The following RLIM variants were observed in gnomAD, a reference collection of about 807,000 sequenced individuals.
RLIM encodes the protein ring finger protein, LIM domain interacting, also known as E3 ubiquitin-protein ligase RLIM.
RLIM carries 2 observed loss-of-function variants against 34.0 expected under a neutral mutation model. The observed-to-expected ratio is 0.06, with a 90% CI of 0.02 to 0.19. The LOEUF is 0.19. RLIM is among the 10% of genes least tolerant of loss of function. The pLI, the probability that RLIM is intolerant of heterozygous loss-of-function variation, is 1.00. For synonymous variants in RLIM, 169 were observed against 164.0 expected, an observed-to-expected ratio of 1.03 and a Z score of -0.23; for missense variants, 286 against 479.7, an observed-to-expected ratio of 0.60 and a Z score of 3.77.
chrX:74,610,022 G>T (rs896744735), intron 1 of RLIM, among the ~76,000 whole-genome samples: 1 of 112,222 alleles, frequency 8.9e-6, no homozygotes, highest in African/African-American at 3.2e-5. Flanking sequence ...CAAAATTATT[G>T]CAAGAAATCC....
Position 74,591,093 on chromosome X carries a change from G to A in RLIM, c.*347C>T. 5.2e-6 allele frequency: 1 copy of A among 194,162 alleles called. No homozygotes were observed. The highest frequency in any genetic ancestry group is 1.1e-4 in the East Asian group (1 of 9,284). 16.0% of individuals were successfully genotyped at this position (194,162 alleles called of 1,213,427 possible). A position where few individuals can be genotyped will look rare whatever the true frequency, so the allele number is the denominator to read the frequency against. On this transcript the variant is annotated 3_prime_UTR_variant, in exon 4 of 4. Coordinates refer to ENST00000332687, the MANE Select transcript of RLIM (RefSeq NM_016120.4). Reference sequence around the variant, plus strand: ...CCTTTGCTCCTCTCTTATGGTGTGGGAAAATTTAAAGATCAACATGAAAAA... The same window carrying A: ...CCTTTGCTCCTCTCTTATGGTGTGGAAAAATTTAAAGATCAACATGAAAAA...
rs1369129573 is a variant in RLIM, at chrX:74,592,339, T to C, written c.976A>G (p.Arg326Gly). The stretch of plus-strand genomic sequence containing the variant: ...CGATATTCTCCAGGACGAACTCTTC[T>C]TACTTGAAGATCAAGGACTATGGTT... ...PPTIVLDLQV[R>G]RVRPGEYRQR... The change falls in exon 4 of 4, where the codon AGA becomes GGA. Residue 326 changes from arginine to glycine, a missense_variant. By Grantham distance (125) the Arg-to-Gly change is moderately radical. Coordinates refer to ENST00000332687, the MANE Select transcript of RLIM (RefSeq NM_016120.4). 2 of 1,211,816 alleles carry C rather than the reference T, an allele frequency of 1.7e-6. No individual in the cohort carries two copies. Among genetic ancestry groups the C allele is most frequent in the Non-Finnish European group, 2.2e-6 (2 of 895,554 alleles).
intron 1 of RLIM, among the ~76,000 whole-genome samples, chrX:74,599,193 C>A (rs1184426056): frequency 3.6e-5 from 4 of 111,933 alleles, no homozygotes. Flanking sequence ...AGGATGCCAA[C>A]TCCTGTTCTA....
intron 3 of RLIM, 86 bp downstream of exon 3, chrX:74,594,220 C>T (rs1340950378): frequency 2.2e-5 from 14 of 641,088 alleles, no homozygotes; most frequent in Middle Eastern, 3.3e-4. Context: ...TGTGCCAAAT[C>T]TGGATAATCT....
rs757163972 is a variant in RLIM, at chrX:74,609,298, T to C, written c.-24+5124A>G. ...GTCAAGAGATCAAGACCATCCTGGC[T>C]AACACAGTGAAACCCCGTCTCTACT... On this transcript the variant is annotated intron_variant, in intron 1 of 3. Transcript: ENST00000332687. Among the ~76,000 whole-genome samples the C allele has an allele frequency of 3.2e-4, 35 of 108,617 alleles. 1 individual carries two copies. Among genetic ancestry groups the C allele is most frequent in the Admixed American group, 1.4e-3 (14 of 10,077 alleles). The allele number at this position is 108,617 out of a possible 115,157, so 94.3% of individuals were successfully genotyped here. A position where few individuals can be genotyped will look rare whatever the true frequency, so the allele number is the denominator to read the frequency against.
rs1931245743 is a variant in RLIM at position 74,582,994 on chromosome X, T to A, written c.*8446A>T. 5.1e-6 allele frequency: 3 copies of A among 587,791 alleles called. No individual in the cohort carries two copies. The highest frequency in any genetic ancestry group is 2.9e-6 in the Non-Finnish European group (1 of 347,697). 48.4% of individuals were successfully genotyped at this position (587,791 alleles called of 1,213,427 possible). A position where few individuals can be genotyped will look rare whatever the true frequency, so the allele number is the denominator to read the frequency against. On this transcript the variant is annotated 3_prime_UTR_variant, in exon 4 of 4. Transcript: ENST00000332687. ...CATACGGTTCAGTTTCCTTCTTTTA[T>A]ATTTTGATATTTTTTTCCATATTTA... is the stretch of plus-strand genomic sequence containing the variant.
rs1433556904 is a variant in RLIM, at chrX:74,584,111, G to A, written c.*7329C>T. On this transcript the variant is annotated 3_prime_UTR_variant, in exon 4 of 4. Transcript: ENST00000332687. Reference sequence around the variant, plus strand: ...TTTTCTTGGCAAACCAGCCAAAACTGATGTTTTTCCTAAGAAATCACACCT... The same window carrying A: ...TTTTCTTGGCAAACCAGCCAAAACTAATGTTTTTCCTAAGAAATCACACCT... Among the ~76,000 whole-genome samples the A allele has an allele frequency of 9.0e-6, 1 of 111,500 alleles. No homozygotes were observed. Among genetic ancestry groups the A allele is most frequent in the African/African-American group, 3.3e-5 (1 of 30,622 alleles).
chrX:74,602,384 C>T (rs906429195), intron 1 of RLIM, among the ~76,000 whole-genome samples: 4 of 111,041 alleles, frequency 3.6e-5, no homozygotes, highest in Non-Finnish European at 7.5e-5. Flanking sequence ...CTTTCATAGA[C>T]CACGGTGTTC....
chrX:74,583,882 C>T lies in RLIM; in HGVS notation c.*7558G>A, dbSNP rs1213005816. On this transcript the variant is annotated 3_prime_UTR_variant, in exon 4 of 4. Coordinates refer to ENST00000332687, the MANE Select transcript of RLIM (RefSeq NM_016120.4). ...CCAACATGGTGAAACCCTGTCTCTA[C>T]TAAAAATAGAAAAATTAGCTGGGCG... Among the ~76,000 whole-genome samples the T allele has an allele frequency of 3.6e-5, 4 of 110,686 alleles. No homozygotes were observed. The highest frequency in any genetic ancestry group is 7.6e-5 in the Non-Finnish European group (4 of 52,898).
chrX:74,609,554 T>C (rs1459282907), intron 1 of RLIM, among the ~76,000 whole-genome samples: 2 of 102,838 alleles, frequency 1.9e-5, no homozygotes, highest in Non-Finnish European at 3.9e-5. Flanking sequence ...GTATTATCTA[T>C]ACCAATCAGT....
rs1044040660 is a variant in RLIM at position 74,586,889 on chromosome X, T to A, written c.*4551A>T. ...CAGGCAAATTGCCTGAGCCCAGGAG[T>A]TCAAGAACAGCCTGGACAACATGGC... On this transcript the variant is annotated 3_prime_UTR_variant, in exon 4 of 4. Transcript: ENST00000332687. 1 of 110,340 alleles carries A rather than the reference T, an allele frequency of 9.1e-6. No individual in the cohort carries two copies. The highest frequency in any genetic ancestry group is 1.9e-5 in the Non-Finnish European group (1 of 52,746). The allele number at this position is 110,340 out of a possible 1,213,427, so 9.1% of individuals were successfully genotyped here. A position where few individuals can be genotyped will look rare whatever the true frequency, so the allele number is the denominator to read the frequency against.
intron 1 of RLIM, among the ~76,000 whole-genome samples, chrX:74,608,099 A>C (rs1035580948): frequency 8.9e-6 from 1 of 111,911 alleles, no homozygotes; most frequent in Middle Eastern, 4.7e-3. Context: ...GAAAGGAAAA[A>C]AGAGATACTG....
intron 1 of RLIM, among the ~76,000 whole-genome samples, chrX:74,603,139 T>A (rs1403448214): frequency 2.7e-5 from 3 of 110,419 alleles, no homozygotes; most frequent in Non-Finnish European, 5.7e-5. Flanking sequence ...AAAATGCTAT[T>A]AAGGGTAGTG....
chrX:74,602,310 C>CT (rs1315102400), intron 1 of RLIM, among the ~76,000 whole-genome samples: 1 of 111,521 alleles, frequency 9.0e-6, no homozygotes, highest in Non-Finnish European at 1.9e-5. Flanking sequence ...AAGTTTTTGG[C>CT]TAACACAAGC....
At chrX:74,610,781 T>C (rs1320374696) in intron 1 of RLIM, among the ~76,000 whole-genome samples, 4 of 109,649 alleles carry the variant, frequency 3.6e-5, no homozygotes, top group Non-Finnish European at 7.6e-5. Context: ...TCCCAGCTAC[T>C]TGGGAGGCTG....
intron 1 of RLIM, among the ~76,000 whole-genome samples, chrX:74,596,675 C>G (rs1370685221): frequency 8.9e-6 from 1 of 112,504 alleles, no homozygotes; most frequent in Non-Finnish European, 1.9e-5. Context: ...CAGCCATACA[C>G]ATTCATTTAC....
intron 3 of RLIM, among the ~76,000 whole-genome samples, 163 bp downstream of exon 3, chrX:74,594,143 G>A (rs1386105551): frequency 8.9e-6 from 1 of 111,999 alleles, no homozygotes; most frequent in Non-Finnish European, 1.9e-5. Context: ...AAAAAATGCT[G>A]ACATTCTAAG....
chrX:74,598,507 G>A (rs897867789), intron 1 of RLIM, among the ~76,000 whole-genome samples: 41 of 110,550 alleles, frequency 3.7e-4, no homozygotes, highest in African/African-American at 9.9e-4. Context: ...TGCCAGGCGC[G>A]GTGGCTCACG....
Position 74,614,612 on chromosome X carries a change from A to T in RLIM, c.-214T>A. The T allele has an allele frequency of 8.9e-6, 1 of 112,226 alleles. No homozygotes were observed. Among genetic ancestry groups the T allele is most frequent in the Middle Eastern group, 4.6e-3 (1 of 218 alleles). 9.2% of individuals were successfully genotyped at this position (112,226 alleles called of 1,213,427 possible). A position where few individuals can be genotyped will look rare whatever the true frequency, so the allele number is the denominator to read the frequency against. ...TTCCCCATTGTTACCAAGCAGCGAC[A>T]GGAAACGACTGCCCACAACAGGAAG... On this transcript the variant is annotated 5_prime_UTR_variant, in exon 1 of 4. Transcript: ENST00000332687.
Sources: allele counts gnomAD v4.1 joint callset (sites outside exome capture counted in the v4.1 genomes callset), GRCh38; gene constraint gnomAD v4.1.1; transcripts MANE v1.5; gene names NCBI Gene and HGNC (gene_info 2026-07-23, HGNC 2026-07-21).